MYCBP2: variants seen among roughly 807,000 people sequenced by gnomAD.
MYCBP2 encodes E3 ubiquitin-protein ligase MYCBP2.
A neutral mutation model predicts 525.3 loss-of-function variants in MYCBP2; 120 were observed. The ratio of observed to expected loss-of-function variants is 0.23; its 90% CI spans 0.20 to 0.27. The LOEUF (loss-of-function observed/expected upper bound fraction) is 0.27, where lower values mean the gene tolerates loss of function less well. Among genes scored for constraint, MYCBP2 ranks in the 10% least tolerant of loss-of-function variants. The probability of loss-of-function intolerance (pLI) is 1.00; values close to 1 mark genes in which losing one functional copy is unlikely to be tolerated. For missense variants in MYCBP2, 4,149 were observed against 5,657.1 expected (o/e 0.73, Z 8.55); for synonymous variants, 1,894 against 1,955.8 (o/e 0.97, Z 0.83).
At position 77,312,204 on chromosome 13, in the gene MYCBP2, T is replaced by A. The variant is rs963064697; in HGVS notation, c.302+14270A>T. 3.3e-5 allele frequency among the ~76,000 whole-genome samples: 5 copies of A among 152,076 alleles called. 1 individual carries two copies. The highest frequency in any genetic ancestry group is 9.7e-5 in the African/African-American group (4 of 41,434). Reference sequence around the variant, plus strand: ...CATTCTCAAAGAAAAACAAAGAGAATGTATCCCCAGCAGACTGATCTGCTA... The same window carrying A: ...CATTCTCAAAGAAAAACAAAGAGAAAGTATCCCCAGCAGACTGATCTGCTA... On this transcript the variant is annotated intron_variant, in intron 1 of 82. Transcript: ENST00000544440.
intron 58 of MYCBP2, 140 bp downstream of exon 58, chr13:77,095,218 A>AAAAAATAAATGCCT: frequency 9.5e-7 from 1 of 1,053,250 alleles, no homozygotes; most frequent in Non-Finnish European, 1.3e-6. Context: ...AAGGCAACTC[A>AAAAAATAAATGCCT]AAAAATAAAT....
chr13:77,143,315 C>A (rs143288023), intron 49 of MYCBP2, among the ~76,000 whole-genome samples: 2 of 152,030 alleles, frequency 1.3e-5, no homozygotes, highest in African/African-American at 4.8e-5. Flanking sequence ...TGTGGACAGG[C>A]GCTGTCCAAT....
intron 37 of MYCBP2, among the ~76,000 whole-genome samples, chr13:77,173,335 T>A (rs1039483692): frequency 2.0e-5 from 3 of 152,250 alleles, no homozygotes; most frequent in African/African-American, 7.2e-5. Context: ...CTCTTACGCA[T>A]AACAGAGTTT....
chr13:77,230,593 T>A (rs1321298404), intron 18 of MYCBP2, among the ~76,000 whole-genome samples: 1 of 152,226 alleles, frequency 6.6e-6, no homozygotes, highest in East Asian at 1.9e-4. Flanking sequence ...ATATTTCATA[T>A]ACAAATTACT....
At chr13:77,085,593 G>C (rs1024698045) in intron 62 of MYCBP2, among the ~76,000 whole-genome samples, 8 of 152,134 alleles carry the variant, frequency 5.3e-5, no homozygotes, top group Non-Finnish European at 1.2e-4. Context: ...CTCAGTCTTT[G>C]AATTTGACCG....
intron 19 of MYCBP2, 103 bp downstream of exon 19, chr13:77,225,332 C>T (rs1015844531): frequency 7.4e-6 from 11 of 1,486,870 alleles, no homozygotes; most frequent in Non-Finnish European, 9.2e-6. Flanking sequence ...CACGCTACAG[C>T]TTTTAACACA....
At chr13:77,062,729 A>G in intron 73 of MYCBP2, 32 bp from the exon 74 acceptor site, 2 of 1,556,912 alleles carry the variant, frequency 1.3e-6, no homozygotes, top group Non-Finnish European at 1.8e-6. Flanking sequence ...ACACCACTGA[A>G]TTTTTAGGAA....
chr13:77,202,793 C>T (rs2062793976), intron 26 of MYCBP2, among the ~76,000 whole-genome samples: 1 of 152,266 alleles, frequency 6.6e-6, no homozygotes, highest in Non-Finnish European at 1.5e-5. Flanking sequence ...AAGACAAAAA[C>T]CACAGGATTA....
intron 8 of MYCBP2, 103 bp from the exon 9 acceptor site, chr13:77,264,105 G>A: frequency 1.3e-6 from 1 of 775,664 alleles, no homozygotes; most frequent in Non-Finnish European, 2.0e-6. Context: ...CACGCAATAA[G>A]GATAAACTCA....
At chr13:77,172,201 C>A (rs1481730166) in intron 37 of MYCBP2, among the ~76,000 whole-genome samples, 1 of 151,866 alleles carries the variant, frequency 6.6e-6, no homozygotes, top group Non-Finnish European at 1.5e-5. Context: ...CCCAGCTGAC[C>A]TGAATTTTTT....
rs79083193 is a variant in MYCBP2 at position 77,154,063 on chromosome 13, C to A, written c.6915+1995G>T. The stretch of plus-strand genomic sequence containing the variant: ...TGCTTCAAATAATTAGCTATTACTG[C>A]ATAAAGATTTTAACAATTTATGAAC... On this transcript the variant is annotated intron_variant, in intron 46 of 82. Coordinates refer to ENST00000544440, the MANE Select transcript of MYCBP2 (RefSeq NM_015057.5). Among the ~76,000 whole-genome samples the A allele has an allele frequency of 1.5e-3, 234 of 152,274 alleles. 2 individuals carry two copies. In the East Asian group the frequency reaches 0.025, roughly 16 times the overall value.
Position 77,217,872 on chromosome 13 carries a change from C to T in MYCBP2, c.3025G>A (p.Asp1009Asn). The change falls in exon 21 of 83, where the codon GAT becomes AAT. Residue 1009 changes from aspartate to asparagine, a missense_variant. Asp to Asn is a conservative substitution (Grantham distance 23). Around this residue, in one of 21 missense-constraint regions of MYCBP2, gnomAD observed 620 missense variants for 795.5 expected, o/e 0.78. Transcript: ENST00000544440. Reference protein sequence around the residue: ...GSNHTAVLLMDGQVFTFGSFS... With the variant: ...GSNHTAVLLMNGQVFTFGSFS... ...CTTCCAAATGTGAAGACCTGTCCAT[C>T]CATTAAAAGTACTGCCGTATGGTTG... is the stretch of plus-strand genomic sequence containing the variant. The T allele has an allele frequency of 1.9e-6, 3 of 1,608,634 alleles. No homozygotes were observed. Among genetic ancestry groups the T allele is most frequent in the Non-Finnish European group, 2.5e-6 (3 of 1,177,664 alleles).
intron 55 of MYCBP2, among the ~76,000 whole-genome samples, chr13:77,105,046 C>T (rs1361148452): frequency 6.6e-6 from 1 of 152,036 alleles, no homozygotes; most frequent in Non-Finnish European, 1.5e-5. Flanking sequence ...TGATACAATT[C>T]TTCAAGACAC....
At chr13:77,238,052 G>T (rs2068209458) in intron 17 of MYCBP2, among the ~76,000 whole-genome samples, 1 of 151,974 alleles carries the variant, frequency 6.6e-6, no homozygotes, top group South Asian at 2.1e-4. Flanking sequence ...GGCTATCCTG[G>T]CTAACAAAGT....
At chr13:77,198,162 T>C (rs929801680) in intron 26 of MYCBP2, among the ~76,000 whole-genome samples, 4 of 152,212 alleles carry the variant, frequency 2.6e-5, no homozygotes, top group Non-Finnish European at 5.9e-5. Context: ...TTTAAAGCAG[T>C]TGCACTGAAA....
intron 46 of MYCBP2, among the ~76,000 whole-genome samples, chr13:77,155,264 A>G (rs542557890): frequency 6.6e-6 from 1 of 152,252 alleles, no homozygotes; most frequent in South Asian, 2.1e-4. Context: ...GAATGCATGA[A>G]GTAGTTGAAA....
At chr13:77,312,967 C>T (rs1030060486) in intron 1 of MYCBP2, among the ~76,000 whole-genome samples, 1 of 151,924 alleles carries the variant, frequency 6.6e-6, no homozygotes, top group Non-Finnish European at 1.5e-5. Flanking sequence ...CGAACACATT[C>T]TTCTCAAGTG....
chr13:77,165,459 C>T, intron 41 of MYCBP2, 68 bp from the exon 42 acceptor site: 1 of 1,114,414 alleles, frequency 9.0e-7, no homozygotes, highest in Non-Finnish European at 1.3e-6. Context: ...TGTCTTTTAT[C>T]CAATGGACTT....
intron 50 of MYCBP2, among the ~76,000 whole-genome samples, chr13:77,140,528 C>G (rs1230952216): frequency 2.0e-5 from 3 of 152,174 alleles, no homozygotes; most frequent in African/African-American, 7.2e-5. Context: ...TGTACTTACT[C>G]TTTAGATTTC....
Sources: allele counts gnomAD v4.1 joint callset (sites outside exome capture counted in the v4.1 genomes callset), GRCh38; gene constraint gnomAD v4.1.1; regional missense constraint gnomAD v4.1.1; transcripts MANE v1.5; gene names NCBI Gene and HGNC (gene_info 2026-07-23, HGNC 2026-07-21).